The following ERC1 variants were observed in gnomAD, a reference collection of about 807,000 sequenced individuals.
ERC1 encodes the protein ELKS/RAB6-interacting/CAST family member 1, also known as RAB6 interacting protein 2.
A neutral mutation model predicts 132.0 loss-of-function variants in ERC1; 56 were observed. The observed-to-expected ratio is 0.42, with a 90% CI of 0.34 to 0.53. ERC1 has a LOEUF of 0.53. ERC1 is among the 20% of genes least tolerant of loss of function. The pLI is 0.03. For missense variants in ERC1, 1,202 were observed against 1,349.9 expected, an observed-to-expected ratio of 0.89 and a Z score of 1.72; for synonymous variants, 478 against 476.1, an observed-to-expected ratio of 1.00 and a Z score of -0.05.
At chr12:1,121,463 G>C (rs1489132899) in intron 7 of ERC1, among the ~76,000 whole-genome samples, 1 of 152,218 alleles carries the variant, frequency 6.6e-6, no homozygotes, top group Non-Finnish European at 1.5e-5. Context: ...AGGAGAAAAG[G>C]ATTTAGGTTG....
intron 13 of ERC1, among the ~76,000 whole-genome samples, chr12:1,255,893 C>A (rs537250033): frequency 7.2e-5 from 11 of 151,966 alleles, no homozygotes; most frequent in African/African-American, 2.4e-4. Context: ...CCCACCTCAA[C>A]CTCCCAAAGT....
chr12:1,264,438 G>A (rs1004165497), intron 14 of ERC1, among the ~76,000 whole-genome samples: 17 of 152,192 alleles, frequency 1.1e-4, no homozygotes, highest in East Asian at 3.9e-4. Context: ...CGAGGCGGGC[G>A]GATCACTTGA....
chr12:1,019,966 G>C (rs773095490), intron 1 of ERC1, among the ~76,000 whole-genome samples: 1 of 151,700 alleles, frequency 6.6e-6, no homozygotes, highest in Non-Finnish European at 1.5e-5. Flanking sequence ...TGTTGTCCAG[G>C]CTGGTCTTGA....
intron 8 of ERC1, among the ~76,000 whole-genome samples, chr12:1,161,554 G>A (rs893275097): frequency 6.6e-6 from 1 of 152,192 alleles, no homozygotes. Flanking sequence ...AAAAATTACA[G>A]TGAATGTAGT....
chr12:1,283,871 G>C (rs2078859139), intron 14 of ERC1, among the ~76,000 whole-genome samples: 1 of 151,990 alleles, frequency 6.6e-6, no homozygotes, highest in Non-Finnish European at 1.5e-5. Context: ...GGGTAACTGG[G>C]GTATCCATCA....
chr12:1,459,314 T>C (rs1007468924), intron 18 of ERC1, among the ~76,000 whole-genome samples: 1 of 152,212 alleles, frequency 6.6e-6, no homozygotes, highest in African/African-American at 2.4e-5. Flanking sequence ...CTCATGGCTA[T>C]ATATATGAAA....
intron 16 of ERC1, among the ~76,000 whole-genome samples, chr12:1,378,059 G>A (rs555956692): frequency 1.4e-4 from 21 of 152,202 alleles, no homozygotes; most frequent in African/African-American, 3.4e-4. Context: ...GAAATGTGTC[G>A]TCTTTACCTA....
In ERC1 at chr12:1,468,738, G is replaced by A. The variant is rs1024454673; in HGVS notation, c.3214-21355G>A. On this transcript the variant is annotated intron_variant, in intron 18 of 18. Transcript: ENST00000360905. ...ATTTTATAAGGCAAACCAGGGATGA[G>A]CTGTATTTAGCCACAGATTATTAAA... 2.6e-5 allele frequency among the ~76,000 whole-genome samples: 4 copies of A among 152,216 alleles called. 1 individual carries two copies. Among genetic ancestry groups the A allele is most frequent in the South Asian group, 2.1e-4 (1 of 4,828 alleles).
At chr12:1,242,754 T>A (rs544033921) in intron 13 of ERC1, among the ~76,000 whole-genome samples, 1 of 152,316 alleles carries the variant, frequency 6.6e-6, no homozygotes, top group Admixed American at 6.5e-5. Flanking sequence ...GGTTCTGCAT[T>A]TTTGGATTCA....
At chr12:1,030,642 G>T (rs1450390099) in intron 2 of ERC1, among the ~76,000 whole-genome samples, 1 of 152,148 alleles carries the variant, frequency 6.6e-6, no homozygotes, top group Non-Finnish European at 1.5e-5. Context: ...GATCACCTGA[G>T]CCTGGGAGGT....
chr12:1,127,449 A>G (rs1216056844), intron 7 of ERC1, among the ~76,000 whole-genome samples: 1 of 152,178 alleles, frequency 6.6e-6, no homozygotes, highest in East Asian at 1.9e-4. Context: ...ATACTGTACA[A>G]AAGTCAAAAG....
chr12:1,144,647 T>C lies in ERC1; in HGVS notation c.1737+2860T>C, dbSNP rs1029515077. ...ATATATATATATACGTGTATATATA[T>C]ACGTATATATATATATACACACCAC... On this transcript the variant is annotated intron_variant, in intron 8 of 18. Transcript: ENST00000360905. 5.3e-5 allele frequency among the ~76,000 whole-genome samples: 8 copies of C among 149,550 alleles called. 1 individual carries two copies. The highest frequency in any genetic ancestry group is 2.0e-4 in the African/African-American group (8 of 40,016).
At chr12:1,421,426 G>C (rs891562178) in intron 17 of ERC1, among the ~76,000 whole-genome samples, 57 of 152,266 alleles carry the variant, frequency 3.7e-4, no homozygotes, top group African/African-American at 1.4e-3. Flanking sequence ...TGAGGGCTAA[G>C]GAACGGGTAC....
chr12:1,157,841 C>A (rs146526421), intron 8 of ERC1, among the ~76,000 whole-genome samples: 16 of 152,256 alleles, frequency 1.1e-4, no homozygotes, highest in Non-Finnish European at 2.1e-4. Context: ...ATCCAAATAT[C>A]TAAAAAACCA....
intron 17 of ERC1, chr12:1,430,726 C>T (rs1163122460): frequency 6.6e-6 from 1 of 152,256 alleles, no homozygotes; most frequent in Non-Finnish European, 1.5e-5. Flanking sequence ...GAGGGAAAAA[C>T]AAGCCATTAG....
Position 1,028,304 on chromosome 12 carries a change from G to C in ERC1, c.401G>C (p.Ser134Thr). ...AFGEHHLPPV[S>T]MASTVPHSLR... ...GGAGAGCATCACCTCCCTCCTGTGA[G>C]TATGGCATCCACTGTACCTCACTCC... Residue 134 changes from serine (S) to threonine (T), a missense_variant, in exon 2 of 19, where the codon AGT (serine) becomes ACT (threonine). Transcript: ENST00000360905. 6.2e-7 allele frequency: 1 copy of C among 1,614,190 alleles called. No individual in the cohort carries two copies. Among genetic ancestry groups the C allele is most frequent in the Non-Finnish European group, 8.5e-7 (1 of 1,180,038 alleles).
At chr12:1,256,543 C>T (rs1372896514) in intron 13 of ERC1, among the ~76,000 whole-genome samples, 1 of 149,952 alleles carries the variant, frequency 6.7e-6, no homozygotes, top group Non-Finnish European at 1.5e-5. Flanking sequence ...AATTTTTTTT[C>T]AGCTGAACTT....
intron 12 of ERC1, among the ~76,000 whole-genome samples, chr12:1,201,031 T>A (rs1956865434): frequency 6.6e-6 from 1 of 152,210 alleles, no homozygotes; most frequent in Non-Finnish European, 1.5e-5. Flanking sequence ...CATATATATT[T>A]GCACGTTTTT....
chr12:1,384,312 TGACTG>T (rs1476445054), intron 16 of ERC1, among the ~76,000 whole-genome samples: 1 of 152,216 alleles, frequency 6.6e-6, no homozygotes, highest in Admixed American at 6.5e-5. Flanking sequence ...TATAAATAGT[TGACTG>T]GATTAATGAA....
Sources: allele counts gnomAD v4.1 joint callset (sites outside exome capture counted in the v4.1 genomes callset), GRCh38; gene constraint gnomAD v4.1.1; transcripts MANE v1.5; gene names NCBI Gene and HGNC (gene_info 2026-07-23, HGNC 2026-07-21).